EIF4A3: variants seen among roughly 807,000 people sequenced by gnomAD.
EIF4A3 encodes eukaryotic translation initiation factor 4A3.
A neutral mutation model predicts 55.6 loss-of-function variants in EIF4A3; 1 was observed. The ratio of observed to expected loss-of-function variants is 0.02; its 90% CI spans 0.01 to 0.09. EIF4A3 has a LOEUF of 0.09. Among genes scored for constraint, EIF4A3 ranks in the 10% least tolerant of loss-of-function variants. The pLI is 1.00. For missense variants in EIF4A3, 221 were observed against 540.7 expected, an observed-to-expected ratio of 0.41 and a Z score of 5.86; for synonymous variants, 194 against 196.3, an observed-to-expected ratio of 0.99 and a Z score of 0.10.
intron 8 of EIF4A3, among the ~76,000 whole-genome samples, chr17:80,137,844 C>G (rs1010316448): frequency 1.5e-4 from 23 of 152,244 alleles, no homozygotes; most frequent in African/African-American, 5.3e-4. Flanking sequence ...AGGTCTGCCT[C>G]CACATTACCA....
intron 7 of EIF4A3, 152 bp from the exon 8 acceptor site, chr17:80,138,432 A>G (rs1194534590): frequency 3.8e-6 from 3 of 786,288 alleles, no homozygotes; most frequent in Non-Finnish European, 4.1e-6. Context: ...CCTCCATCCT[A>G]TCACCACTTC....
Position 80,146,990 on chromosome 17 carries a change from CGCGCCGCTGCCG to C in EIF4A3, c.-41_-30del, listed in dbSNP as rs2039671824. 3 of 1,555,314 alleles carry C rather than the reference CGCGCCGCTGCCG, an allele frequency of 1.9e-6. No individual in the cohort carries two copies. In the African/African-American group the frequency reaches 4.3e-5, roughly 23 times the overall value. ...TCAGAGTCCGCGGAAGAGCACAGCG[CGCGCCGCTGCCG>C]ACCTCGCTGCCGCTGCCGACCTCGC... is the stretch of plus-strand genomic sequence containing the variant. On this transcript the variant is annotated 5_prime_UTR_variant, in exon 1 of 12. Transcript: ENST00000649764.
intron 2 of EIF4A3, among the ~76,000 whole-genome samples, chr17:80,142,499 C>G: frequency 6.6e-6 from 1 of 152,158 alleles, no homozygotes; most frequent in East Asian, 1.9e-4. Flanking sequence ...GTATTCCCAA[C>G]ACTCTGGGAC....
chr17:80,141,445 T>C, intron 3 of EIF4A3, 64 bp from the exon 4 acceptor site: 1 of 1,470,898 alleles, frequency 6.8e-7, no homozygotes, highest in Non-Finnish European at 9.5e-7. Flanking sequence ...TTGTAGTAAT[T>C]CACACTCAGA....
chr17:80,143,877 G>C (rs57121237), intron 2 of EIF4A3, among the ~76,000 whole-genome samples: 4 of 152,170 alleles, frequency 2.6e-5, no homozygotes, highest in African/African-American at 9.7e-5. Context: ...CTACTTGGGA[G>C]GGTGAGGCAG....
At chr17:80,136,444 A>G in intron 9 of EIF4A3, 109 bp from the exon 10 acceptor site, 5 of 806,676 alleles carry the variant, frequency 6.2e-6, no homozygotes, top group Non-Finnish European at 1.0e-5. Flanking sequence ...TCCAAAATAT[A>G]CGAGATTCTC....
chr17:80,134,860 G>A lies in EIF4A3; in HGVS notation c.*630C>T, dbSNP rs2143978845. On this transcript the variant is annotated 3_prime_UTR_variant, in exon 12 of 12. Transcript: ENST00000649764. The stretch of plus-strand genomic sequence containing the variant: ...TTCCAAAAAAAAAGATTAGAAAAGT[G>A]AGTGAAATGGGCCGGGTGCAGTGGC... 6.6e-6 allele frequency among the ~76,000 whole-genome samples: 1 copy of A among 152,166 alleles called. No individual in the cohort carries two copies. The highest frequency in any genetic ancestry group is 1.9e-4 in the East Asian group (1 of 5,148).
chr17:80,136,166 A>T lies in EIF4A3; in HGVS notation c.1092-35T>A. 3 of 1,613,690 alleles carry T rather than the reference A, an allele frequency of 1.9e-6. No homozygotes were observed. In the South Asian group the frequency reaches 3.3e-5, roughly 18 times the overall value. Reference sequence around the variant, plus strand: ...TAAAATAATATTACAGTTAGTATATATAACAATCAAGATTTAGTAAATGTG... The same window carrying T: ...TAAAATAATATTACAGTTAGTATATTTAACAATCAAGATTTAGTAAATGTG... On this transcript the variant is annotated intron_variant, in intron 10 of 11. Coordinates refer to ENST00000649764, the MANE Select transcript of EIF4A3 (RefSeq NM_014740.4).
At chr17:80,141,298 C>T (rs1328889374) in intron 4 of EIF4A3, 21 bp downstream of exon 4, 8 of 1,607,284 alleles carry the variant, frequency 5.0e-6, no homozygotes, top group Non-Finnish European at 6.0e-6. Flanking sequence ...AATCGGACAC[C>T]GCTATCTTTA....
In EIF4A3 at chr17:80,140,126, G is replaced by A. The variant is rs371554910; in HGVS notation, c.387C>T (p.Leu129=). The change falls in exon 5 of 12, where the codon CTC becomes CTT. Residue 129 remains leucine (L), a synonymous_variant. Transcript: ENST00000649764. ...GGCACTGGACATTCATGTAGTCACCGAGAGCAAGCAGCCCCTGAAACAAAG... is the reference window on the plus strand; with the variant it reads ...GGCACTGGACATTCATGTAGTCACCAAGAGCAAGCAGCCCCTGAAACAAAG... The part of the protein sequence containing the change: ...AVQIQKGLLA[L]GDYMNVQCHA... The A allele has an allele frequency of 6.2e-6, 10 of 1,602,084 alleles. No individual in the cohort carries two copies. Among genetic ancestry groups the A allele is most frequent in the African/African-American group, 1.3e-5 (1 of 74,232 alleles).
intron 6 of EIF4A3, chr17:80,139,452 A>G (rs2039600175): frequency 1.6e-6 from 1 of 619,748 alleles, no homozygotes; most frequent in Admixed American, 3.2e-5. Flanking sequence ...GATACCAAAT[A>G]AAAAGCAATA....
chr17:80,137,728 G>C, intron 8 of EIF4A3: 1 of 514,004 alleles, frequency 1.9e-6, no homozygotes, highest in Non-Finnish European at 3.5e-6. Flanking sequence ...GACTCTATGG[G>C]GGGAGGGGGC....
At chr17:80,137,980 C>A (rs1456416685) in intron 8 of EIF4A3, among the ~76,000 whole-genome samples, 162 bp downstream of exon 8, 6 of 152,150 alleles carry the variant, frequency 3.9e-5, no homozygotes, top group African/African-American at 1.4e-4. Flanking sequence ...CACGTCTGAC[C>A]GTTTGCATAT....
rs1389392853 is a variant in EIF4A3, at chr17:80,135,989, T to C, written c.1219+15A>G. On this transcript the variant is annotated intron_variant, in intron 11 of 11. Transcript: ENST00000649764. ...GTTCCCTCTACAATTACAGTAGAGC[T>C]GGACGATTTCCTACCGTTCATCGGC... The C allele has an allele frequency of 6.2e-7, 1 of 1,613,042 alleles. No homozygotes were observed.
intron 7 of EIF4A3, 121 bp from the exon 8 acceptor site, chr17:80,138,401 A>C (rs1337328078): frequency 5.6e-6 from 7 of 1,242,654 alleles, no homozygotes; most frequent in East Asian, 2.4e-5. Context: ...TCTGGTGCAG[A>C]CCCAGCAGCC....
chr17:80,143,069 A>G (rs982482876), intron 2 of EIF4A3, among the ~76,000 whole-genome samples: 12 of 152,160 alleles, frequency 7.9e-5, no homozygotes, highest in African/African-American at 1.2e-4. Context: ...TTTAAAAAGC[A>G]TTATGGTATT....
chr17:80,138,198 G>A lies in EIF4A3; in HGVS notation c.811C>T (p.Leu271Phe). Residue 271 changes from leucine (L) to phenylalanine (F), a missense_variant, in exon 8 of 12, where the codon CTC (leucine) becomes TTC (phenylalanine). Leu to Phe is a conservative substitution (Grantham distance 22). Around this residue, in one of 4 missense-constraint regions of EIF4A3, gnomAD observed 93 missense variants for 278.5 expected, o/e 0.33. Transcript: ENST00000649764. ...TGAGTGATGGTCAGTGTGTCGTAGA[G>A]GTCACACAGAGTGTCAAATTTCCAC... ...EEWKFDTLCD[L>F]YDTLTITQAV... The A allele has an allele frequency of 6.2e-7, 1 of 1,614,102 alleles. No homozygotes were observed. The highest frequency in any genetic ancestry group is 8.5e-7 in the Non-Finnish European group (1 of 1,180,016).
chr17:80,135,676 A>G (rs937494252), intron 11 of EIF4A3, 170 bp from the exon 12 acceptor site: 32 of 645,828 alleles, frequency 5.0e-5, no homozygotes, highest in Non-Finnish European at 7.0e-5. Context: ...TGGGCAGATC[A>G]TTTGAGGCCA....
chr17:80,137,548 C>G, intron 8 of EIF4A3, 47 bp from the exon 9 acceptor site: 1 of 1,469,902 alleles, frequency 6.8e-7, no homozygotes, highest in Non-Finnish European at 9.4e-7. Flanking sequence ...TATACCAAAG[C>G]AGAGATGTGC....
Sources: allele counts gnomAD v4.1 joint callset (sites outside exome capture counted in the v4.1 genomes callset), GRCh38; gene constraint gnomAD v4.1.1; regional missense constraint gnomAD v4.1.1; transcripts MANE v1.5; gene names NCBI Gene and HGNC (gene_info 2026-07-23, HGNC 2026-07-21).